Variants in DSE observed in about 807,000 individuals in gnomAD.
DSE encodes the protein dermatan sulfate epimerase.
Under a neutral mutation model 84.4 loss-of-function variants are expected in DSE, and 36 were observed. The observed-to-expected ratio is 0.43, with a 90% CI of 0.33 to 0.56. The LOEUF (loss-of-function observed/expected upper bound fraction) is 0.56, where lower values mean the gene tolerates loss of function less well. Ranked by LOEUF, DSE falls within the 20% of genes least tolerant of loss-of-function variation. The pLI is 0.06. For missense variants in DSE, 862 were observed against 1,169.6 expected (o/e 0.74, Z 3.84); for synonymous variants, 410 against 430.1 (o/e 0.95, Z 0.58).
At chr6:116,416,818 TTGAC>T (rs965031196) in intron 2 of DSE, among the ~76,000 whole-genome samples, 31 of 152,136 alleles carry the variant, frequency 2.0e-4, no homozygotes, top group Non-Finnish European at 3.2e-4. Context: ...TGCATAGACA[TTGAC>T]TGAGTGATAA....
intron 2 of DSE, chr6:116,280,334 C>T (rs1773445261): frequency 5.2e-6 from 1 of 193,626 alleles, no homozygotes; most frequent in South Asian, 8.3e-5. Context: ...CAAAATGTTT[C>T]CCCCCTTCTT....
intron 1 of DSE, among the ~76,000 whole-genome samples, chr6:116,386,251 T>C (rs944446959): frequency 1.3e-5 from 2 of 152,230 alleles, no homozygotes; most frequent in East Asian, 1.9e-4. Context: ...GACAAAGTAT[T>C]ATGGCAAGCT....
chr6:116,409,568 C>T (rs1583191025), intron 2 of DSE, among the ~76,000 whole-genome samples: 1 of 152,216 alleles, frequency 6.6e-6, no homozygotes, highest in South Asian at 2.1e-4. Context: ...CGTGAGCCAA[C>T]ACGCCCGGCC....
At chr6:116,391,698 G>T (rs1382918838) in intron 1 of DSE, among the ~76,000 whole-genome samples, 2 of 151,232 alleles carry the variant, frequency 1.3e-5, no homozygotes, top group African/African-American at 4.9e-5. Flanking sequence ...CTAGGAGGTG[G>T]AGCTTGCAGT....
intron 1 of DSE, among the ~76,000 whole-genome samples, chr6:116,383,658 G>C (rs1186222946): frequency 2.6e-5 from 4 of 152,110 alleles, no homozygotes. Flanking sequence ...GCCAGTCATT[G>C]CTCTGGGCAC....
chr6:116,258,498 G>A (rs558977205), exon 2 of DSE: 260 of 1,105,252 alleles, frequency 2.4e-4, no homozygotes, highest in Non-Finnish European at 3.2e-4. Context: ...GAAAATCAGC[G>A]GTTGGACTTG....
At chr6:116,371,252 C>G in intron 1 of DSE, 131 bp downstream of exon 1, 1 of 970,592 alleles carries the variant, frequency 1.0e-6, no homozygotes, top group Non-Finnish European at 1.2e-6. Flanking sequence ...CGGCTGAGAG[C>G]GGAGCGCCGC....
chr6:116,435,478 C>G, intron 5 of DSE, 109 bp from the exon 6 acceptor site: 1 of 1,108,942 alleles, frequency 9.0e-7, no homozygotes. Flanking sequence ...ATACTCTGCA[C>G]TGCCAGTGCT....
intron 2 of DSE, among the ~76,000 whole-genome samples, chr6:116,405,517 C>T (rs1235605227): frequency 6.6e-6 from 1 of 152,210 alleles, no homozygotes; most frequent in African/African-American, 2.4e-5. Context: ...ACCCTTCCCC[C>T]TCACTCTTTC....
chr6:116,429,951 CAAAA>C (rs56696040), intron 3 of DSE, among the ~76,000 whole-genome samples: 1 of 15,442 alleles, frequency 6.5e-5, no homozygotes, highest in East Asian at 1.0e-3. Flanking sequence ...GACTCCGTCT[CAAAA>C]AAAAAAAAAA....
intron 2 of DSE, among the ~76,000 whole-genome samples, chr6:116,305,121 A>G (rs1294054760): frequency 6.6e-6 from 1 of 152,098 alleles, no homozygotes; most frequent in Non-Finnish European, 1.5e-5. Context: ...GGTCCAAATT[A>G]GAATCAAACT....
intron 1 of DSE, among the ~76,000 whole-genome samples, chr6:116,387,847 G>A (rs903131829): frequency 2.6e-5 from 4 of 152,158 alleles, no homozygotes; most frequent in African/African-American, 9.7e-5. Context: ...ATTAAGAGAA[G>A]CAGGAGAATA....
At chr6:116,370,811 C>T, upstream of DSE, 1 of 985,040 alleles carries the variant, frequency 1.0e-6, no homozygotes, top group Non-Finnish European at 1.2e-6. Flanking sequence ...CCCCGTTTCC[C>T]TCTCCTCATC....
intron 1 of DSE, among the ~76,000 whole-genome samples, chr6:116,391,762 C>CT (rs1362165849): frequency 8.9e-6 from 1 of 112,480 alleles, no homozygotes; most frequent in African/African-American, 3.8e-5. Context: ...GAGACTCCGT[C>CT]TTAAAAAAAA....
At chr6:116,363,296 TGATA>T (rs200777094) in intron 2 of DSE, among the ~76,000 whole-genome samples, 1,611 of 152,116 alleles carry the variant, frequency 0.011, 26 homozygotes, top group African/African-American at 0.034. Flanking sequence ...TGTGTCTATA[TGATA>T]GATACTTGCC....
chr6:116,385,291 A>G (rs1780511941), intron 1 of DSE, among the ~76,000 whole-genome samples: 1 of 152,188 alleles, frequency 6.6e-6, no homozygotes, highest in African/African-American at 2.4e-5. Flanking sequence ...TGTTTTAAAT[A>G]GAGTGGTGAC....
chr6:116,388,401 G>C (rs1427204383), intron 1 of DSE, among the ~76,000 whole-genome samples: 1 of 152,110 alleles, frequency 6.6e-6, no homozygotes, highest in African/African-American at 2.4e-5. Flanking sequence ...GTCTCTTCTG[G>C]AAACACCCTC....
intron 2 of DSE, among the ~76,000 whole-genome samples, chr6:116,416,377 G>A (rs1782714526): frequency 6.6e-6 from 1 of 151,646 alleles, no homozygotes; most frequent in African/African-American, 2.4e-5. Flanking sequence ...GTGTGTGTGT[G>A]TGTGTGTGTG....
intron 2 of DSE, among the ~76,000 whole-genome samples, chr6:116,274,772 G>T (rs1773047895): frequency 6.6e-6 from 1 of 152,120 alleles, no homozygotes; most frequent in Non-Finnish European, 1.5e-5. Flanking sequence ...GTTCATTAAA[G>T]AAATTTTACT....
Sources: gnomAD v4.1 joint callset for allele counts (sites outside exome capture counted in the v4.1 genomes callset) on GRCh38, gnomAD v4.1.1 for gene constraint, MANE v1.5 for transcripts, NCBI Gene and HGNC (gene_info 2026-07-23, HGNC 2026-07-21) for gene names.